The following MOXD1 variants were observed in gnomAD, a reference collection of about 807,000 sequenced individuals.
MOXD1 encodes DBH-like monooxygenase protein 1.
MOXD1 carries 62 observed loss-of-function variants against 66.6 expected under a neutral mutation model. The observed-to-expected ratio is 0.93, with a 90% CI of 0.76 to 1.15. MOXD1 has a LOEUF of 1.15. Among genes scored for constraint, MOXD1 ranks in the 50% most tolerant of loss-of-function variants. The pLI, the probability that MOXD1 is intolerant of heterozygous loss-of-function variation, is 0.00. For missense variants in MOXD1, 847 were observed against 754.6 expected (o/e 1.12, Z -1.44); for synonymous variants, 303 against 281.9 (o/e 1.07, Z -0.75).
At chr6:132,353,765 T>G (rs2114630157) in intron 4 of MOXD1, among the ~76,000 whole-genome samples, 1 of 152,324 alleles carries the variant, frequency 6.6e-6, no homozygotes, top group South Asian at 2.1e-4. Flanking sequence ...GTTTCCAAAC[T>G]TTTAGATTCC....
At chr6:132,333,272 C>T (rs1033425199) in intron 4 of MOXD1, among the ~76,000 whole-genome samples, 3 of 142,352 alleles carry the variant, frequency 2.1e-5, no homozygotes, top group African/African-American at 8.2e-5. Flanking sequence ...GGAGGCAGAG[C>T]TGGCAGTGAG....
Position 132,401,160 on chromosome 6 carries a change from T to C in MOXD1, c.264+3A>G, listed in dbSNP as rs1392460162. On this transcript the variant is annotated splice_donor_region_variant and intron_variant, in intron 1 of 11. Coordinates refer to ENST00000367963, the MANE Select transcript of MOXD1 (RefSeq NM_015529.4). ...GGCGGGCTCCGGGAGGAGACGCGCT[T>C]ACCTGGAGGTAGGGCCGCCCGTGGG... The C allele has an allele frequency of 5.3e-6, 8 of 1,509,638 alleles. No individual in the cohort carries two copies. The highest frequency in any genetic ancestry group is 7.1e-6 in the Non-Finnish European group (8 of 1,134,290). 93.5% of individuals were successfully genotyped at this position (1,509,638 alleles called of 1,614,324 possible).
intron 10 of MOXD1, among the ~76,000 whole-genome samples, chr6:132,309,624 T>C (rs1774778334): frequency 6.6e-6 from 1 of 152,166 alleles, no homozygotes; most frequent in Non-Finnish European, 1.5e-5. Context: ...CAAACTATAC[T>C]ACAAGGCTAC....
chr6:132,401,164 T>TG lies in MOXD1; in HGVS notation c.262dup (p.Gln88ProfsTer9), dbSNP rs995372939. 1.3e-6 allele frequency: 2 copies of TG among 1,514,418 alleles called. No individual in the cohort carries two copies. The highest frequency in any genetic ancestry group is 2.8e-5 in the African/African-American group (2 of 70,824). 93.8% of individuals were successfully genotyped at this position (1,514,418 alleles called of 1,614,324 possible). A position where few individuals can be genotyped will look rare whatever the true frequency, so the allele number is the denominator to read the frequency against. ...GGCTCCGGGAGGAGACGCGCTTACC[T>TG]GGAGGTAGGGCCGCCCGTGGGCCAC... On this transcript the variant is annotated frameshift_variant and splice_region_variant, in exon 1 of 12. Transcript: ENST00000367963. LOFTEE classifies it high-confidence loss of function.
At chr6:132,304,625 C>G (rs1200053273) in intron 10 of MOXD1, among the ~76,000 whole-genome samples, 1 of 152,140 alleles carries the variant, frequency 6.6e-6, no homozygotes, top group East Asian at 1.9e-4. Context: ...TTTTCGCTGC[C>G]TATCTGTAAG....
intron 10 of MOXD1, among the ~76,000 whole-genome samples, chr6:132,302,696 T>C (rs930776081): frequency 3.3e-5 from 5 of 152,050 alleles, no homozygotes; most frequent in South Asian, 2.1e-4. Context: ...AAAAATGAAA[T>C]TGACAAGTTG....
intron 10 of MOXD1, among the ~76,000 whole-genome samples, chr6:132,302,686 A>T (rs919450639): frequency 7.2e-5 from 11 of 152,120 alleles, no homozygotes; most frequent in African/African-American, 2.4e-4. Flanking sequence ...GGTCCTTTTT[A>T]AAAATGAAAT....
At chr6:132,307,000 T>G (rs968477049) in intron 10 of MOXD1, among the ~76,000 whole-genome samples, 4 of 151,904 alleles carry the variant, frequency 2.6e-5, no homozygotes, top group Non-Finnish European at 5.9e-5. Flanking sequence ...AGGATCAAAT[T>G]ATCAAATTCA....
chr6:132,307,282 G>A (rs1468271445), intron 10 of MOXD1, among the ~76,000 whole-genome samples: 9 of 152,072 alleles, frequency 5.9e-5, no homozygotes, highest in African/African-American at 7.2e-5. Context: ...ATGGCATTAC[G>A]TAATGGTAAG....
At chr6:132,383,856 G>A (rs552967981) in intron 1 of MOXD1, among the ~76,000 whole-genome samples, 1 of 152,088 alleles carries the variant, frequency 6.6e-6, no homozygotes, top group Non-Finnish European at 1.5e-5. Flanking sequence ...GATCACCTGA[G>A]GTTAGGAGTT....
At chr6:132,375,548 C>A (rs1416879001) in intron 1 of MOXD1, among the ~76,000 whole-genome samples, 1 of 152,172 alleles carries the variant, frequency 6.6e-6, no homozygotes, top group Admixed American at 6.5e-5. Context: ...GCCTCAGCCT[C>A]CCGAGTACCT....
intron 4 of MOXD1, among the ~76,000 whole-genome samples, chr6:132,367,350 G>T (rs1219494727): frequency 6.6e-6 from 1 of 152,038 alleles, no homozygotes; most frequent in Non-Finnish European, 1.5e-5. Flanking sequence ...CAGAAATTAT[G>T]TTCCCAGCAC....
intron 4 of MOXD1, among the ~76,000 whole-genome samples, chr6:132,340,407 C>T (rs1468027798): frequency 6.8e-6 from 1 of 147,702 alleles, no homozygotes; most frequent in Non-Finnish European, 1.5e-5. Flanking sequence ...CTTGTTTGCT[C>T]TGAGAAATGA....
chr6:132,305,487 C>G (rs1370211118), intron 10 of MOXD1, among the ~76,000 whole-genome samples: 5 of 152,226 alleles, frequency 3.3e-5, no homozygotes, highest in Non-Finnish European at 4.4e-5. Context: ...TTTCTCCCAA[C>G]AAGGCACACA....
chr6:132,341,393 A>G (rs1775559389), intron 4 of MOXD1, among the ~76,000 whole-genome samples: 1 of 152,186 alleles, frequency 6.6e-6, no homozygotes, highest in South Asian at 2.1e-4. Context: ...TTCTTTATAC[A>G]TTGCCCAGTC....
At position 132,378,875 on chromosome 6, in the gene MOXD1, C is replaced by CTTTTTTTTTTTTTTTTTTTTTTTT. The variant is rs3038136; in HGVS notation, c.265-4122_265-4099dup. 4.8e-5 allele frequency among the ~76,000 whole-genome samples: 2 copies of CTTTTTTTTTTTTTTTTTTTTTTTT among 41,884 alleles called. 1 individual carries two copies. The highest frequency in any genetic ancestry group is 1.3e-4 in the Non-Finnish European group (2 of 15,748). The allele number at this position is 41,884 out of a possible 152,430, so 27.5% of individuals were successfully genotyped here. On this transcript the variant is annotated intron_variant, in intron 1 of 11. Transcript: ENST00000367963. ...AATGAAAGAGGACAGAACACTTCCT[C>CTTTTTTTTTTTTTTTTTTTTTTTT]TTTTTTTTTTTTTTTTTTTTTTTTT...
chr6:132,323,887 T>A, intron 7 of MOXD1, 44 bp downstream of exon 7: 1 of 1,506,748 alleles, frequency 6.6e-7, no homozygotes, highest in East Asian at 2.4e-5. Flanking sequence ...TCTAAGAGCA[T>A]TGATGAATCT....
chr6:132,344,019 T>C (rs1047803288), intron 4 of MOXD1, among the ~76,000 whole-genome samples: 2 of 152,052 alleles, frequency 1.3e-5, no homozygotes, highest in African/African-American at 4.8e-5. Flanking sequence ...GGAATGAAAA[T>C]ATAAACAGAA....
At chr6:132,303,528 G>A (rs1017661724) in intron 10 of MOXD1, among the ~76,000 whole-genome samples, 2 of 151,722 alleles carry the variant, frequency 1.3e-5, no homozygotes, top group African/African-American at 4.8e-5. Flanking sequence ...CTAATACAAT[G>A]TAAGTGCTAT....
Sources: allele counts gnomAD v4.1 joint callset (sites outside exome capture counted in the v4.1 genomes callset), GRCh38; gene constraint gnomAD v4.1.1; transcripts MANE v1.5; gene names NCBI Gene and HGNC (gene_info 2026-07-23, HGNC 2026-07-21).